The following PGAM1 variants were observed in gnomAD, a reference collection of about 807,000 sequenced individuals.
PGAM1 encodes BPG-dependent PGAM 1.
Under a neutral mutation model 23.5 loss-of-function variants are expected in PGAM1, and 21 were observed. The ratio of observed to expected loss-of-function variants is 0.89; its 90% CI spans 0.63 to 1.29. The LOEUF (loss-of-function observed/expected upper bound fraction) is 1.29, where lower values mean the gene tolerates loss of function less well. Among genes scored for constraint, PGAM1 ranks in the 50% most tolerant of loss-of-function variants. The pLI, the probability that PGAM1 is intolerant of heterozygous loss-of-function variation, is 0.00. For missense variants in PGAM1, 232 were observed against 336.3 expected (o/e 0.69, Z 2.42); for synonymous variants, 109 against 128.6 (o/e 0.85, Z 1.03).
intron 1 of PGAM1, chr10:97,427,720 G>T (rs912383254): frequency 1.4e-5 from 17 of 1,250,558 alleles, no homozygotes; most frequent in African/African-American, 4.6e-5. Flanking sequence ...CCCTGCTGCC[G>T]GCACGGCCAA....
chr10:97,427,650 C>G (rs1845424830), intron 1 of PGAM1: 2 of 1,186,506 alleles, frequency 1.7e-6, no homozygotes, highest in Non-Finnish European at 2.1e-6. Flanking sequence ...CTTGCCTATC[C>G]AGGCTTGCTC....
At chr10:97,426,540 AC>A (rs1374297533) in intron 1 of PGAM1, 94 bp downstream of exon 1, 5 of 1,414,058 alleles carry the variant, frequency 3.5e-6, no homozygotes, top group Non-Finnish European at 4.7e-6. Flanking sequence ...GAGGGCCGGC[AC>A]CTTGGGCAGC....
intron 1 of PGAM1, among the ~76,000 whole-genome samples, chr10:97,429,331 C>G (rs952128855): frequency 6.6e-6 from 1 of 152,078 alleles, no homozygotes; most frequent in Non-Finnish European, 1.5e-5. Context: ...GTCTCAATCT[C>G]CTGACCTTGT....
At chr10:97,426,926 C>T (rs1310061632) in intron 1 of PGAM1, among the ~76,000 whole-genome samples, 2 of 152,082 alleles carry the variant, frequency 1.3e-5, no homozygotes, top group Admixed American at 6.5e-5. Context: ...CCCAGCTACT[C>T]GGGAGGCTGA....
intron 3 of PGAM1, among the ~76,000 whole-genome samples, chr10:97,431,455 T>G (rs1845471180): frequency 6.6e-6 from 1 of 152,146 alleles, no homozygotes; most frequent in Admixed American, 6.6e-5. Context: ...ACCTCTAGAT[T>G]GGTATTGTCA....
chr10:97,427,354 G>A lies in PGAM1; in HGVS notation c.139+908G>A, dbSNP rs990079277. The A allele has an allele frequency of 1.0e-5, 10 of 992,914 alleles. No homozygotes were observed. In the African/African-American group the frequency reaches 1.4e-4, roughly 14 times the overall value. 61.5% of individuals were successfully genotyped at this position (992,914 alleles called of 1,614,324 possible). Reference sequence around the variant, plus strand: ...TGTTCAGTAGCATTCCACAAATAGTGTGTCCAAAACGCATCTGTAGATGTA... The same window carrying A: ...TGTTCAGTAGCATTCCACAAATAGTATGTCCAAAACGCATCTGTAGATGTA... On this transcript the variant is annotated intron_variant, in intron 1 of 3. Coordinates refer to ENST00000334828, the MANE Select transcript of PGAM1 (RefSeq NM_002629.4).
intron 1 of PGAM1, among the ~76,000 whole-genome samples, chr10:97,429,912 GGCGT>G (rs1298030481): frequency 6.6e-6 from 1 of 152,080 alleles, no homozygotes; most frequent in Non-Finnish European, 1.5e-5. Context: ...TGGATATGGT[GGCGT>G]GCGCCTGTAT....
In PGAM1 at chr10:97,432,339, T is replaced by A; in HGVS notation, c.596-16T>A. The A allele has an allele frequency of 6.2e-7, 1 of 1,612,058 alleles. No homozygotes were observed. The highest frequency in any genetic ancestry group is 8.5e-7 in the Non-Finnish European group (1 of 1,179,908). ...GATTTATGTCTTGTGTGGCTGATGA[T>A]GGTGGATGTTTTCAGGTCTCTCTGA... On this transcript the variant is annotated splice_polypyrimidine_tract_variant and intron_variant, in intron 3 of 3. Coordinates refer to ENST00000334828, the MANE Select transcript of PGAM1 (RefSeq NM_002629.4).
At position 97,430,729 on chromosome 10, in the gene PGAM1, C is replaced by T. The variant is rs537231913; in HGVS notation, c.414+76C>T. On this transcript the variant is annotated intron_variant, in intron 2 of 3. Coordinates refer to ENST00000334828, the MANE Select transcript of PGAM1 (RefSeq NM_002629.4). Reference sequence around the variant, plus strand: ...GTAGTGTCTGCCTAATCTCACTGAACTTACAATTCATGATAAAATAGTTAA... The same window carrying T: ...GTAGTGTCTGCCTAATCTCACTGAATTTACAATTCATGATAAAATAGTTAA... 31 of 1,589,318 alleles carry T rather than the reference C, an allele frequency of 2.0e-5. No homozygotes were observed. In the East Asian group the frequency reaches 4.5e-4, roughly 23 times the overall value.
Position 97,426,263 on chromosome 10 carries a change from G to A in PGAM1, c.-45G>A, listed in dbSNP as rs775309948. 3 of 1,609,506 alleles carry A rather than the reference G, an allele frequency of 1.9e-6. No individual in the cohort carries two copies. The highest frequency in any genetic ancestry group is 8.5e-7 in the Non-Finnish European group (1 of 1,178,958). ...GGCCGACGGGGCGGGCTGCTACTCCGGAATCTGCTAATCCCAGTCGGTGCC... is the reference window on the plus strand; with the variant it reads ...GGCCGACGGGGCGGGCTGCTACTCCAGAATCTGCTAATCCCAGTCGGTGCC... On this transcript the variant is annotated 5_prime_UTR_variant, in exon 1 of 4. Transcript: ENST00000334828.
rs374790077 is a variant in PGAM1 at position 97,430,602 on chromosome 10, C to T, written c.363C>T (p.Val121=). The T allele has an allele frequency of 2.5e-6, 4 of 1,602,172 alleles. No individual in the cohort carries two copies. Among genetic ancestry groups the T allele is most frequent in the Non-Finnish European group, 3.4e-6 (4 of 1,179,938 alleles). ...AGATCTGGAGGCGCTCCTATGATGT[C>T]CCACCACCTCCGATGGAGCCCGACC... The part of the protein sequence containing the change: ...QVKIWRRSYD[V]PPPPMEPDHP... Residue 121 remains valine, a synonymous_variant, in exon 2 of 4, where the codon GTC becomes GTT. Transcript: ENST00000334828.
intron 1 of PGAM1, among the ~76,000 whole-genome samples, chr10:97,429,294 C>T (rs189765420): frequency 6.3e-4 from 95 of 151,948 alleles, no homozygotes; most frequent in Non-Finnish European, 1.1e-3. Context: ...TTAGTAGAGA[C>T]GGGGTTTCAC....
At chr10:97,430,738 C>A (rs1589456756) in intron 2 of PGAM1, 85 bp downstream of exon 2, 1 of 1,578,714 alleles carries the variant, frequency 6.3e-7, no homozygotes, top group Non-Finnish European at 8.6e-7. Context: ...ACTTACAATT[C>A]ATGATAAAAT....
intron 1 of PGAM1, among the ~76,000 whole-genome samples, chr10:97,430,105 G>C (rs374881900): frequency 7.9e-5 from 12 of 152,054 alleles, no homozygotes; most frequent in African/African-American, 2.9e-4. Flanking sequence ...CAAACATCAG[G>C]ATCCTTGGGA....
At chr10:97,427,676 C>G in intron 1 of PGAM1, 3 of 1,212,204 alleles carry the variant, frequency 2.5e-6, no homozygotes, top group Non-Finnish European at 3.2e-6. Flanking sequence ...CCAGTCTGCT[C>G]TTTGTGGTGT....
At chr10:97,428,170 A>G (rs1845432101) in intron 1 of PGAM1, among the ~76,000 whole-genome samples, 1 of 152,248 alleles carries the variant, frequency 6.6e-6, no homozygotes, top group South Asian at 2.1e-4. Context: ...TAATCTCTGT[A>G]AAATAACAGA....
At chr10:97,428,358 TGA>T (rs1845433711) in intron 1 of PGAM1, among the ~76,000 whole-genome samples, 1 of 152,168 alleles carries the variant, frequency 6.6e-6, no homozygotes, top group Non-Finnish European at 1.5e-5. Flanking sequence ...TAGTGAGAAC[TGA>T]GTTTCCCCAT....
chr10:97,427,706 C>T (rs1239700557), intron 1 of PGAM1: 23 of 1,239,140 alleles, frequency 1.9e-5, no homozygotes, highest in Non-Finnish European at 2.3e-5. Flanking sequence ...AATAAGGAAG[C>T]ATTCCCTGCT....
chr10:97,427,545 C>T lies in PGAM1; in HGVS notation c.139+1099C>T, dbSNP rs540651518. The T allele has an allele frequency of 2.2e-5, 25 of 1,139,862 alleles. No homozygotes were observed. In the South Asian group the frequency reaches 4.6e-4, roughly 21 times the overall value. 70.6% of individuals were successfully genotyped at this position (1,139,862 alleles called of 1,614,324 possible). On this transcript the variant is annotated intron_variant, in intron 1 of 3. Transcript: ENST00000334828. Reference sequence around the variant, plus strand: ...TCTGATTCCTAGTCCAGTGTCCTCGCCCTAGTCCTGGGTGAAGTAACAGGT... The same window carrying T: ...TCTGATTCCTAGTCCAGTGTCCTCGTCCTAGTCCTGGGTGAAGTAACAGGT...
Sources: gnomAD v4.1 joint callset for allele counts (sites outside exome capture counted in the v4.1 genomes callset) on GRCh38, gnomAD v4.1.1 for gene constraint, MANE v1.5 for transcripts, NCBI Gene and HGNC (gene_info 2026-07-23, HGNC 2026-07-21) for gene names.